The following ITGB6 variants were observed in gnomAD, a reference collection of about 807,000 sequenced individuals.
ITGB6 encodes integrin beta-6.
In ITGB6, 80 loss-of-function variants were observed where a neutral mutation model predicts 84.5. The observed-to-expected ratio is 0.95, with a 90% CI of 0.79 to 1.14. The LOEUF (loss-of-function observed/expected upper bound fraction) is 1.14, where lower values mean the gene tolerates loss of function less well. Ranked by LOEUF, ITGB6 falls within the 50% of genes most tolerant of loss-of-function variation. The pLI is 0.00. For synonymous variants in ITGB6, 383 were observed against 354.9 expected (o/e 1.08, Z -0.89); for missense variants, 1,006 against 968.0 (o/e 1.04, Z -0.52).
At chr2:160,136,881 TCA>T (rs1177887136) in intron 10 of ITGB6, among the ~76,000 whole-genome samples, 2 of 141,878 alleles carry the variant, frequency 1.4e-5, no homozygotes, top group Non-Finnish European at 3.0e-5. Context: ...AAGGGGAACA[TCA>T]CACACTGGGG....
chr2:160,151,123 C>A (rs1684398317), intron 7 of ITGB6, among the ~76,000 whole-genome samples: 1 of 152,162 alleles, frequency 6.6e-6, no homozygotes, highest in African/African-American at 2.4e-5. Context: ...ACTCTCCACC[C>A]CAAATCAAGA....
At chr2:160,161,965 C>T (rs1684832683) in intron 7 of ITGB6, among the ~76,000 whole-genome samples, 1 of 152,196 alleles carries the variant, frequency 6.6e-6, no homozygotes, top group African/African-American at 2.4e-5. Flanking sequence ...TGATCTGATG[C>T]CCTCACTTGC....
At chr2:160,174,579 C>G (rs907046553) in intron 4 of ITGB6, among the ~76,000 whole-genome samples, 63 of 152,120 alleles carry the variant, frequency 4.1e-4, no homozygotes, top group African/African-American at 1.5e-3. Context: ...TTCCTTTGCT[C>G]CCTCCTGTAC....
At chr2:160,188,694 C>T (rs1370098192) in intron 4 of ITGB6, among the ~76,000 whole-genome samples, 1 of 152,102 alleles carries the variant, frequency 6.6e-6, no homozygotes, top group South Asian at 2.1e-4. Context: ...ACCTCCGCCT[C>T]CCTGGTTTAA....
rs1181363337 is a variant in ITGB6 at position 160,178,936 on chromosome 2, A to G, written c.594-4797T>C. ...GGTCACGAACTCCTGAGCTCAAGCA[A>G]TCTGCTCGCCTCGGCCTCCAAAAGT... On this transcript the variant is annotated intron_variant, in intron 4 of 14. Coordinates refer to ENST00000283249, the MANE Select transcript of ITGB6 (RefSeq NM_000888.5). 2.6e-5 allele frequency: 4 copies of G among 152,168 alleles called. No individual in the cohort carries two copies. In the East Asian group the frequency reaches 7.7e-4, roughly 29 times the overall value. 9.4% of individuals were successfully genotyped at this position (152,168 alleles called of 1,614,324 possible).
At chr2:160,139,971 A>T (rs2105822247) in intron 8 of ITGB6, among the ~76,000 whole-genome samples, 1 of 152,286 alleles carries the variant, frequency 6.6e-6, no homozygotes, top group African/African-American at 2.4e-5. Flanking sequence ...ACTGAGCTGA[A>T]GTTTGTAGCC....
rs1213383615 is a variant in ITGB6 at position 160,136,147 on chromosome 2, T to C, written c.1660+1287A>G. ...ACAGAATGGGAGAAAATTTTTGCAATCTACTCATCTGACAAAGGGCTAACA... is the reference window on the plus strand; with the variant it reads ...ACAGAATGGGAGAAAATTTTTGCAACCTACTCATCTGACAAAGGGCTAACA... On this transcript the variant is annotated intron_variant, in intron 10 of 14. Transcript: ENST00000283249. 1.5e-4 allele frequency among the ~76,000 whole-genome samples: 23 copies of C among 152,142 alleles called. No homozygotes were observed. In the South Asian group the frequency reaches 3.7e-3, roughly 25 times the overall value.
At chr2:160,122,358 G>T (rs1291078893) in intron 12 of ITGB6, among the ~76,000 whole-genome samples, 2 of 152,116 alleles carry the variant, frequency 1.3e-5, no homozygotes, top group Non-Finnish European at 2.9e-5. Context: ...ATGCCATTAT[G>T]ATTTGCATGT....
intron 4 of ITGB6, among the ~76,000 whole-genome samples, chr2:160,178,317 C>T (rs1352931216): frequency 6.6e-6 from 1 of 152,212 alleles, no homozygotes; most frequent in African/African-American, 2.4e-5. Flanking sequence ...GTTAGGTACA[C>T]CATTGTGCCT....
At chr2:160,148,472 T>G (rs60908067) in intron 7 of ITGB6, among the ~76,000 whole-genome samples, 45,235 of 152,008 alleles carry the variant, frequency 0.3, 8,432 homozygotes, top group Non-Finnish European at 0.41. Context: ...CCAAAAAGAG[T>G]TGAACACTTC....
At chr2:160,187,668 T>A (rs964259814) in intron 4 of ITGB6, among the ~76,000 whole-genome samples, 2 of 152,164 alleles carry the variant, frequency 1.3e-5, no homozygotes, top group African/African-American at 4.8e-5. Flanking sequence ...ACAGTGCCAC[T>A]CCATTTTAGA....
chr2:160,175,862 C>T (rs939534374), intron 4 of ITGB6, among the ~76,000 whole-genome samples: 14 of 152,178 alleles, frequency 9.2e-5, no homozygotes, highest in African/African-American at 3.4e-4. Context: ...TCCTTGGGAG[C>T]AATGATTCAA....
intron 4 of ITGB6, among the ~76,000 whole-genome samples, chr2:160,184,786 C>T (rs532185334): frequency 6.6e-6 from 1 of 152,336 alleles, no homozygotes; most frequent in South Asian, 2.1e-4. Flanking sequence ...CCACCACGAT[C>T]AAGCTGGCTT....
chr2:160,150,396 C>A (rs983588990), intron 7 of ITGB6, among the ~76,000 whole-genome samples: 6 of 152,140 alleles, frequency 3.9e-5, no homozygotes, highest in African/African-American at 1.4e-4. Flanking sequence ...CCTTTACAGA[C>A]AAGCAAATGC....
chr2:160,189,496 C>T (rs1462607828), intron 4 of ITGB6, among the ~76,000 whole-genome samples: 4 of 152,062 alleles, frequency 2.6e-5, no homozygotes, highest in Non-Finnish European at 5.9e-5. Context: ...TGAACTCAAA[C>T]AAATTTACAA....
intron 10 of ITGB6, among the ~76,000 whole-genome samples, chr2:160,135,749 A>G (rs3951228): frequency 1.3e-5 from 2 of 151,902 alleles, no homozygotes; most frequent in Non-Finnish European, 2.9e-5. Context: ...AAATAATGCC[A>G]CATATCTACA....
intron 7 of ITGB6, among the ~76,000 whole-genome samples, chr2:160,152,117 T>C (rs1235439330): frequency 1.3e-5 from 2 of 152,202 alleles, no homozygotes; most frequent in African/African-American, 4.8e-5. Context: ...ATCATCCTGA[T>C]AGCAAAGGCT....
Position 160,137,765 on chromosome 2 carries a change from G to A in ITGB6, c.1329C>T (p.Ala443=), listed in dbSNP as rs1403035012. The A allele has an allele frequency of 1.2e-6, 2 of 1,614,152 alleles. No individual in the cohort carries two copies. The highest frequency in any genetic ancestry group is 2.2e-5 in the South Asian group (2 of 91,076). ...ATTCTGGGCTGACAAGTAATTCCAG[G>A]GCATCCCCCAGCCCCACAGGCTTTA... ...IIIKPVGLGD[A]LELLVSPECN... Residue 443 remains alanine (A), a synonymous_variant, in exon 10 of 15, where the codon GCC becomes GCT. Coordinates refer to ENST00000283249, the MANE Select transcript of ITGB6 (RefSeq NM_000888.5).
At position 160,126,371 on chromosome 2, in the gene ITGB6, G is replaced by C; in HGVS notation, c.1883+8C>G. The C allele has an allele frequency of 2.5e-6, 4 of 1,612,124 alleles. No individual in the cohort carries two copies. The South Asian group carries it at 4.4e-5, about 18-fold the overall frequency. ...CACATAAGGAATGGAGAAAAGCAGA[G>C]ACATTACCGTTTAGAGTTACAGGGG... is the stretch of plus-strand genomic sequence containing the variant. On this transcript the variant is annotated splice_region_variant and intron_variant, in intron 11 of 14. Coordinates refer to ENST00000283249, the MANE Select transcript of ITGB6 (RefSeq NM_000888.5).
Sources: gnomAD v4.1 joint callset for allele counts (sites outside exome capture counted in the v4.1 genomes callset) on GRCh38, gnomAD v4.1.1 for gene constraint, MANE v1.5 for transcripts, NCBI Gene and HGNC (gene_info 2026-07-23, HGNC 2026-07-21) for gene names.